EIF4G3: variants seen among roughly 807,000 people sequenced by gnomAD.
The protein encoded by EIF4G3 is eIF-4-gamma 3.
EIF4G3 carries 34 observed loss-of-function variants against 186.4 expected under a neutral mutation model. That is an observed-to-expected ratio of 0.18 (90% CI 0.14 to 0.24). The LOEUF is 0.24. Ranked by LOEUF, EIF4G3 falls within the 10% of genes least tolerant of loss-of-function variation. The pLI is 1.00. For synonymous variants in EIF4G3, 673 were observed against 679.5 expected (o/e 0.99, Z 0.15); for missense variants, 1,536 against 1,948.5 (o/e 0.79, Z 3.99).
chr1:21,084,249 A>G (rs974426562), intron 3 of EIF4G3, among the ~76,000 whole-genome samples: 2 of 151,578 alleles, frequency 1.3e-5, no homozygotes, highest in South Asian at 2.1e-4. Context: ...AAAAAAAAAG[A>G]AAGAAAAAAA....
chr1:21,083,037 C>CAAAAAAAAAAAAAAAAAA (rs544781256), intron 3 of EIF4G3, among the ~76,000 whole-genome samples: 6 of 66,424 alleles, frequency 9.0e-5, no homozygotes, highest in Non-Finnish European at 1.3e-4. Flanking sequence ...GACTCTGTCT[C>CAAAAAAAAAAAAAAAAAA]AAAAAAAAAA....
intron 3 of EIF4G3, among the ~76,000 whole-genome samples, chr1:21,072,055 A>G (rs1170756093): frequency 1.3e-5 from 2 of 152,222 alleles, no homozygotes; most frequent in Non-Finnish European, 2.9e-5. Flanking sequence ...TTAAGTCAAA[A>G]GAGAAAATAT....
In EIF4G3 at chr1:20,979,140, T is replaced by C. The variant is rs1015391235; in HGVS notation, c.493+1194A>G. 4.7e-4 allele frequency among the ~76,000 whole-genome samples: 72 copies of C among 152,206 alleles called. 4 individuals carry two copies. On this transcript the variant is annotated intron_variant, in intron 10 of 36. Coordinates refer to ENST00000602326, the MANE Select transcript of EIF4G3 (RefSeq NM_001391906.1). ...TTTATCCCTTATTATTCACCTTCCA[T>C]GGAATAAGAGAAATGTAATATGAAG...
intron 20 of EIF4G3, among the ~76,000 whole-genome samples, chr1:20,866,125 G>A (rs2077507486): frequency 1.3e-5 from 2 of 152,254 alleles, no homozygotes; most frequent in Admixed American, 6.5e-5. Context: ...GGCTCCCAAA[G>A]TTCTGAAATG....
At chr1:21,001,409 G>T (rs1311800098) in intron 5 of EIF4G3, 97 bp from the exon 6 acceptor site, 1 of 437,842 alleles carries the variant, frequency 2.3e-6, no homozygotes, top group Admixed American at 2.6e-5. Context: ...TTGATAATCA[G>T]AAATTAGGGT....
chr1:20,819,017 C>T (rs955665377), intron 33 of EIF4G3, among the ~76,000 whole-genome samples: 3 of 152,144 alleles, frequency 2.0e-5, no homozygotes, highest in Non-Finnish European at 2.9e-5. Context: ...ATCCTTCTGC[C>T]TCAGCCTCCC....
At chr1:21,108,403 T>A (rs2096655315) in intron 2 of EIF4G3, among the ~76,000 whole-genome samples, 1 of 152,134 alleles carries the variant, frequency 6.6e-6, no homozygotes, top group African/African-American at 2.4e-5. Flanking sequence ...TTTTCACTCA[T>A]CATTAGTAAG....
chr1:21,031,995 T>TA (rs1202614064), intron 4 of EIF4G3, among the ~76,000 whole-genome samples: 1 of 152,164 alleles, frequency 6.6e-6, no homozygotes, highest in Non-Finnish European at 1.5e-5. Flanking sequence ...AATGGACCTC[T>TA]AAAAGAATCT....
At chr1:21,042,276 C>A (rs1363248686) in intron 4 of EIF4G3, among the ~76,000 whole-genome samples, 1 of 152,060 alleles carries the variant, frequency 6.6e-6, no homozygotes, top group Non-Finnish European at 1.5e-5. Flanking sequence ...CCTCACCCAG[C>A]CCAACATTTT....
intron 14 of EIF4G3, among the ~76,000 whole-genome samples, chr1:20,940,092 G>C (rs1327383447): frequency 6.6e-6 from 1 of 151,884 alleles, no homozygotes; most frequent in East Asian, 1.9e-4. Flanking sequence ...CTGAGCTCAG[G>C]CAATCCACCT....
intron 14 of EIF4G3, among the ~76,000 whole-genome samples, chr1:20,919,589 A>G (rs1204260077): frequency 6.6e-6 from 1 of 152,228 alleles, no homozygotes; most frequent in African/African-American, 2.4e-5. Context: ...CAAAAGAAAA[A>G]ATAATCAAAG....
chr1:20,943,966 TATTTTTTTTGTGTG>T (rs1182695839), intron 13 of EIF4G3, among the ~76,000 whole-genome samples: 3 of 17,114 alleles, frequency 1.8e-4, no homozygotes, highest in African/African-American at 4.4e-4. Context: ...AACTTGTCTT[TATTTTTTTTGTGTG>T]TGTGTGTGTG....
Position 20,813,220 on chromosome 1 carries a change from T to C in EIF4G3, c.4535A>G (p.Gln1512Arg). 6.2e-7 allele frequency: 1 copy of C among 1,613,638 alleles called. No individual in the cohort carries two copies. Among genetic ancestry groups the C allele is most frequent in the South Asian group, 1.1e-5 (1 of 91,052 alleles). Residue 1512 changes from glutamine (Q) to arginine (R), a missense_variant, in exon 35 of 37, where the codon CAG becomes CGG. Transcript: ENST00000602326. ...TCTAAGGAATGTAGGTGAACTCATC[T>C]GGATTTCGTCTAGATTAGCCTGAAG... ...DWVEANLDEIQMSSPTFLRAL... is the reference protein window; with the variant it reads ...DWVEANLDEIRMSSPTFLRAL...
At chr1:20,950,994 G>A (rs375938937) in intron 12 of EIF4G3, among the ~76,000 whole-genome samples, 1 of 152,068 alleles carries the variant, frequency 6.6e-6, no homozygotes, top group African/African-American at 2.4e-5. Flanking sequence ...AATTTTTTTG[G>A]TATCTATAAT....
intron 22 of EIF4G3, among the ~76,000 whole-genome samples, chr1:20,862,535 C>T (rs541357127): frequency 1.5e-4 from 23 of 152,276 alleles, no homozygotes; most frequent in South Asian, 1.2e-3. Context: ...ACCTCAGCCT[C>T]TCGAGTAGCT....
chr1:20,957,535 A>AG (rs2096462544), intron 12 of EIF4G3, among the ~76,000 whole-genome samples: 1 of 151,750 alleles, frequency 6.6e-6, no homozygotes, highest in South Asian at 2.1e-4. Context: ...AAAAAAAAAA[A>AG]AAGAAATAAC....
chr1:21,014,878 G>A (rs1455795618), intron 4 of EIF4G3, among the ~76,000 whole-genome samples: 1 of 151,980 alleles, frequency 6.6e-6, no homozygotes, highest in Admixed American at 6.6e-5. Flanking sequence ...CAAGTGATCT[G>A]CCTGCCTTGG....
intron 14 of EIF4G3, among the ~76,000 whole-genome samples, chr1:20,926,964 T>C (rs565316475): frequency 4.1e-4 from 63 of 151,910 alleles, no homozygotes; most frequent in African/African-American, 1.5e-3. Flanking sequence ...TAAATTGACA[T>C]AATTATATGT....
chr1:20,945,663 G>A (rs1156371788), intron 13 of EIF4G3, among the ~76,000 whole-genome samples: 1 of 152,006 alleles, frequency 6.6e-6, no homozygotes, highest in Non-Finnish European at 1.5e-5. Flanking sequence ...ACAGGGTATC[G>A]CTATGTTACT....
Sources: allele counts gnomAD v4.1 joint callset (sites outside exome capture counted in the v4.1 genomes callset), GRCh38; gene constraint gnomAD v4.1.1; transcripts MANE v1.5; gene names NCBI Gene and HGNC (gene_info 2026-07-23, HGNC 2026-07-21).